Variants in PDE10A observed in about 807,000 individuals in gnomAD.
PDE10A encodes the protein cAMP and cAMP-inhibited cGMP 3',5'-cyclic phosphodiesterase 10A.
PDE10A carries 39 observed loss-of-function variants against 97.7 expected under a neutral mutation model. The observed-to-expected ratio is 0.40, with a 90% confidence interval of 0.31 to 0.52. The LOEUF (loss-of-function observed/expected upper bound fraction) is 0.52. Among genes scored for constraint, PDE10A ranks in the 20% least tolerant of loss-of-function variants. The pLI is 0.56. For synonymous variants in PDE10A, 371 were observed against 376.8 expected, an observed-to-expected ratio of 0.98 and a Z score of 0.18; for missense variants, 731 against 1,047.8, an observed-to-expected ratio of 0.70 and a Z score of 4.17.
intron 2 of PDE10A, among the ~76,000 whole-genome samples, chr6:165,538,807 CTAA>C (rs1014057527): frequency 1.3e-5 from 2 of 152,026 alleles, no homozygotes; most frequent in African/African-American, 4.8e-5. Flanking sequence ...TCATTATATC[CTAA>C]TGTTTATTTA....
intron 1 of PDE10A, among the ~76,000 whole-genome samples, chr6:165,906,097 T>TTC: frequency 3.1e-5 from 1 of 31,984 alleles, no homozygotes; most frequent in African/African-American, 1.4e-4. Flanking sequence ...TCCCTTCCTT[T>TTC]CTTCCTTTCT....
rs183465237 is a variant in PDE10A, at chr6:165,702,725, A to G, written c.-614-159157T>C. ...ACTCCATGTGCCTGGCTGCCAGCCC[A>G]TCTGTCGCCCCTCCAGGTGACCAGA... is the stretch of plus-strand genomic sequence containing the variant. On this transcript the variant is annotated intron_variant, in intron 1 of 19. Transcript: ENST00000366882. Among the ~76,000 whole-genome samples the G allele has an allele frequency of 1.6e-4, 25 of 152,340 alleles. No individual in the cohort carries two copies. The East Asian group carries it at 4.4e-3, about 27-fold the overall frequency.
At chr6:165,611,046 G>A (rs113415247) in intron 1 of PDE10A, among the ~76,000 whole-genome samples, 1 of 151,532 alleles carries the variant, frequency 6.6e-6, no homozygotes, top group African/African-American at 2.4e-5. Context: ...GCTTCTGCTT[G>A]TCTCTCTCAA....
At chr6:165,765,059 T>C (rs1005228251) in intron 1 of PDE10A, among the ~76,000 whole-genome samples, 1 of 152,198 alleles carries the variant, frequency 6.6e-6, no homozygotes, top group Non-Finnish European at 1.5e-5. Flanking sequence ...ATACAGAGTG[T>C]GGATTGGTGC....
chr6:165,808,459 T>A (rs1779196461), intron 1 of PDE10A, among the ~76,000 whole-genome samples: 1 of 152,184 alleles, frequency 6.6e-6, no homozygotes, highest in Non-Finnish European at 1.5e-5. Context: ...AATTCTGCCC[T>A]AACTGGGCAG....
chr6:165,555,726 A>G (rs1784219080), intron 1 of PDE10A, among the ~76,000 whole-genome samples: 4 of 152,280 alleles, frequency 2.6e-5, no homozygotes, highest in Admixed American at 6.5e-5. Context: ...TAGCCATCAT[A>G]TTAACTGGAA....
At chr6:165,929,369 G>A (rs1272874699) in intron 1 of PDE10A, among the ~76,000 whole-genome samples, 2 of 152,216 alleles carry the variant, frequency 1.3e-5, no homozygotes, top group Non-Finnish European at 2.9e-5. Context: ...TCTGAGAAAA[G>A]CAGAGTGGAT....
intron 1 of PDE10A, among the ~76,000 whole-genome samples, chr6:165,786,513 AAAG>A (rs1217628296): frequency 6.6e-6 from 1 of 152,246 alleles, no homozygotes; most frequent in African/African-American, 2.4e-5. Flanking sequence ...TCCTTCACAG[AAAG>A]AAGACTTATT....
At chr6:165,597,384 T>C (rs780529000) in intron 1 of PDE10A, among the ~76,000 whole-genome samples, 19 of 152,148 alleles carry the variant, frequency 1.2e-4, no homozygotes, top group Non-Finnish European at 2.5e-4. Flanking sequence ...GGAGAATTAG[T>C]CAAAAAGATA....
intron 2 of PDE10A, among the ~76,000 whole-genome samples, chr6:165,540,659 T>C (rs1331991265): frequency 2.0e-5 from 3 of 152,200 alleles, no homozygotes; most frequent in African/African-American, 7.2e-5. Flanking sequence ...GTTTGTTTGG[T>C]TGCTCTGCTG....
intron 9 of PDE10A, 101 bp downstream of exon 9, chr6:165,430,186 G>A: frequency 4.0e-6 from 3 of 754,366 alleles, no homozygotes; most frequent in East Asian, 2.5e-5. Flanking sequence ...CGGATCTTCA[G>A]TTATCAGCTG....
chr6:165,958,765 G>GAAAGAAAGA (rs758615555), intron 1 of PDE10A, among the ~76,000 whole-genome samples: 6 of 145,080 alleles, frequency 4.1e-5, no homozygotes, highest in South Asian at 4.4e-4. Context: ...AAGAAAGAAA[G>GAAAGAAAGA]AAGAAAGCAA....
chr6:165,451,558 C>T (rs1351102281), intron 3 of PDE10A, among the ~76,000 whole-genome samples: 1 of 152,218 alleles, frequency 6.6e-6, no homozygotes, highest in African/African-American at 2.4e-5. Flanking sequence ...TCACACCCCA[C>T]TCTGTCTACC....
chr6:165,599,971 C>T (rs1786840413), intron 1 of PDE10A, among the ~76,000 whole-genome samples: 2 of 152,146 alleles, frequency 1.3e-5, no homozygotes, highest in Admixed American at 1.3e-4. Flanking sequence ...CTAGGATTGG[C>T]CAACTGCCCT....
chr6:165,494,735 T>C (rs1780440288), intron 2 of PDE10A, among the ~76,000 whole-genome samples: 1 of 152,054 alleles, frequency 6.6e-6, no homozygotes, highest in Non-Finnish European at 1.5e-5. Flanking sequence ...TTCCTTGAGG[T>C]TTAACATAGG....
At chr6:165,815,587 C>G (rs999237497) in intron 1 of PDE10A, among the ~76,000 whole-genome samples, 3 of 152,070 alleles carry the variant, frequency 2.0e-5, no homozygotes, top group African/African-American at 7.2e-5. Flanking sequence ...TGCATGGGGT[C>G]GGCGAAGGTG....
chr6:165,403,401 T>C (rs1050121065), intron 13 of PDE10A, among the ~76,000 whole-genome samples: 6 of 152,208 alleles, frequency 3.9e-5, no homozygotes, highest in African/African-American at 1.2e-4. Flanking sequence ...ATTGAGGGAA[T>C]GTACGCCAGA....
At chr6:165,509,316 A>G (rs969236581) in intron 2 of PDE10A, among the ~76,000 whole-genome samples, 3 of 152,050 alleles carry the variant, frequency 2.0e-5, no homozygotes, top group African/African-American at 7.2e-5. Context: ...CAATTTTCCC[A>G]GCACCATTTA....
At chr6:165,978,236 A>T (rs979433963) in intron 1 of PDE10A, among the ~76,000 whole-genome samples, 3 of 152,162 alleles carry the variant, frequency 2.0e-5, no homozygotes, top group African/African-American at 4.8e-5. Context: ...AAATCATCAC[A>T]CCTCAATGAA....
Sources: allele counts gnomAD v4.1 joint callset (sites outside exome capture counted in the v4.1 genomes callset), GRCh38; gene constraint gnomAD v4.1.1; transcripts MANE v1.5; gene names NCBI Gene and HGNC (gene_info 2026-07-23, HGNC 2026-07-21).